SEC24D: variants seen among roughly 807,000 people sequenced by gnomAD.
The protein encoded by SEC24D is protein transport protein Sec24D.
SEC24D carries 69 observed loss-of-function variants against 116.9 expected under a neutral mutation model. The observed-to-expected ratio is 0.59, with a 90% CI of 0.49 to 0.72. The LOEUF (loss-of-function observed/expected upper bound fraction) is 0.72, where lower values mean the gene tolerates loss of function less well. Ranked by LOEUF, SEC24D falls within the 30% of genes least tolerant of loss-of-function variation. SEC24D has a pLI of 0.00. For synonymous variants in SEC24D, 405 were observed against 442.8 expected, an observed-to-expected ratio of 0.91 and a Z score of 1.07; for missense variants, 1,131 against 1,264.1, an observed-to-expected ratio of 0.89 and a Z score of 1.60.
intron 8 of SEC24D, among the ~76,000 whole-genome samples, chr4:118,774,601 TGC>T (rs2110479467): frequency 6.6e-6 from 1 of 152,252 alleles, no homozygotes; most frequent in South Asian, 2.1e-4. Flanking sequence ...ATACTATATG[TGC>T]AAGAAACAGC....
In SEC24D at chr4:118,824,761, G is replaced by A. The variant is rs548494698; in HGVS notation, c.119-12C>T. ...TGGCTTCATCATACCTGCAAGAGAG[G>A]GGCATGAATTTAGAAGTGTATTAAA... On this transcript the variant is annotated splice_polypyrimidine_tract_variant and intron_variant, in intron 2 of 22. Transcript: ENST00000280551. The A allele has an allele frequency of 7.0e-6, 11 of 1,569,952 alleles. No individual in the cohort carries two copies. In the South Asian group the frequency reaches 1.1e-4, roughly 15 times the overall value.
chr4:118,766,645 A>T (rs1185059038), intron 9 of SEC24D: 2 of 152,168 alleles, frequency 1.3e-5, no homozygotes, highest in Non-Finnish European at 2.9e-5. Flanking sequence ...GAGGCCAAAG[A>T]GTCACAGCAA....
chr4:118,786,242 T>C (rs1016548902), intron 8 of SEC24D, among the ~76,000 whole-genome samples: 54 of 152,198 alleles, frequency 3.5e-4, no homozygotes, highest in African/African-American at 1.3e-3. Context: ...GGGGGTCACT[T>C]TCAAACATTT....
chr4:118,823,212 T>C (rs1425919435), intron 3 of SEC24D, among the ~76,000 whole-genome samples: 1 of 152,188 alleles, frequency 6.6e-6, no homozygotes, highest in African/African-American at 2.4e-5. Context: ...ACCCTTTGAC[T>C]TCTTGCTCCA....
chr4:118,815,630 T>C lies in SEC24D; in HGVS notation c.494A>G (p.Gln165Arg). 1 of 1,614,112 alleles carries C rather than the reference T, an allele frequency of 6.2e-7. No homozygotes were observed. The highest frequency in any genetic ancestry group is 8.5e-7 in the Non-Finnish European group (1 of 1,180,016). ...TGGTGGAAGAACTTGAGATCCAGGC[T>C]GCAAAATGGAAGGCTGTGGAGGTCG... ...PPRPPQPSIL[Q>R]PGSQVLPPPP... is the part of the protein sequence containing the mutation. Residue 165 changes from glutamine to arginine, a missense_variant, in exon 5 of 23, where the codon CAG becomes CGG. Physicochemically the swap from Gln to Arg is conservative, Grantham distance 43 (BLOSUM62 1). Coordinates refer to ENST00000280551, the MANE Select transcript of SEC24D (RefSeq NM_014822.4).
intron 6 of SEC24D, among the ~76,000 whole-genome samples, chr4:118,814,137 T>C (rs1279484820): frequency 6.6e-6 from 1 of 152,252 alleles, no homozygotes; most frequent in Non-Finnish European, 1.5e-5. Context: ...TTCGTTATTA[T>C]TCCAAAAGGA....
chr4:118,730,191 T>C (rs943769089), intron 21 of SEC24D: 1 of 152,234 alleles, frequency 6.6e-6, no homozygotes, highest in African/African-American at 2.4e-5. Context: ...TTCCTTAACT[T>C]TTATATAAAC....
chr4:118,759,816 T>C (rs748045790), intron 10 of SEC24D, among the ~76,000 whole-genome samples: 9 of 152,178 alleles, frequency 5.9e-5, no homozygotes, highest in Admixed American at 5.9e-4. Flanking sequence ...CACCTCTATA[T>C]AGGCAACTCT....
intron 8 of SEC24D, among the ~76,000 whole-genome samples, chr4:118,789,978 G>A (rs1433821385): frequency 6.6e-6 from 1 of 152,198 alleles, no homozygotes; most frequent in African/African-American, 2.4e-5. Context: ...ATATAACAAT[G>A]AAGCTATCCC....
intron 6 of SEC24D, among the ~76,000 whole-genome samples, chr4:118,810,074 C>CTGTGTGTGTGTGTGTGTGTGTGTGTGTG (rs71595321): frequency 2.6e-5 from 1 of 38,594 alleles, no homozygotes; most frequent in Non-Finnish European, 4.9e-5. Flanking sequence ...TCAGAGGTAG[C>CTGTGTGTGTGTGTGTGTGTGTGTGTGTG]TGTGTGTGTG....
At chr4:118,782,470 G>A (rs1728459480) in intron 8 of SEC24D, among the ~76,000 whole-genome samples, 1 of 152,294 alleles carries the variant, frequency 6.6e-6, no homozygotes, top group Non-Finnish European at 1.5e-5. Flanking sequence ...TCCTTCCTCT[G>A]GAAGCTTCGT....
At position 118,733,024 on chromosome 4, in the gene SEC24D, G is replaced by A. The variant is rs1383813371; in HGVS notation, c.2497-112C>T. On this transcript the variant is annotated intron_variant, in intron 19 of 22. Coordinates refer to ENST00000280551, the MANE Select transcript of SEC24D (RefSeq NM_014822.4). ...TGCTTCTGAACTTGTAAGGATGTAA[G>A]GATTAACTGGTAACCCATGTAAAAC... 4 of 919,336 alleles carry A rather than the reference G, an allele frequency of 4.4e-6. No individual in the cohort carries two copies. In the African/African-American group the frequency reaches 5.0e-5, roughly 11 times the overall value. The allele number at this position is 919,336 out of a possible 1,614,324, so 56.9% of individuals were successfully genotyped here.
At chr4:118,777,059 T>TA (rs1560679145) in intron 8 of SEC24D, among the ~76,000 whole-genome samples, 1 of 152,050 alleles carries the variant, frequency 6.6e-6, no homozygotes, top group Non-Finnish European at 1.5e-5. Context: ...TATAAGGCCA[T>TA]AAAAAGAGAT....
In SEC24D at chr4:118,797,809, T is replaced by G. The variant is rs1323902024; in HGVS notation, c.915A>C (p.Gly305=). Residue 305 remains glycine (G), a splice_region_variant and synonymous_variant, in exon 8 of 23, where the codon GGA becomes GGC. Coordinates refer to ENST00000280551, the MANE Select transcript of SEC24D (RefSeq NM_014822.4). ...VTTDCMIQDQ[G]NASPRFIRCT... is the part of the protein sequence containing the mutation. Reference sequence around the variant, plus strand: ...AACGGATGAATCGAGGACTGGCATTTCCTGAAACATTCAAAAGGATACACT... The same window carrying G: ...AACGGATGAATCGAGGACTGGCATTGCCTGAAACATTCAAAAGGATACACT... 8.2e-6 allele frequency: 13 copies of G among 1,592,076 alleles called. No homozygotes were observed. The African/African-American group carries it at 1.7e-4, about 21-fold the overall frequency.
chr4:118,801,343 G>A (rs1000945432), intron 7 of SEC24D, among the ~76,000 whole-genome samples: 2 of 151,862 alleles, frequency 1.3e-5, no homozygotes, highest in Non-Finnish European at 2.9e-5. Flanking sequence ...TCTGCCCAAA[G>A]TTAGATAGCT....
At chr4:118,829,671 G>A (rs1395559842) in intron 2 of SEC24D, among the ~76,000 whole-genome samples, 1 of 152,134 alleles carries the variant, frequency 6.6e-6, no homozygotes, top group Non-Finnish European at 1.5e-5. Flanking sequence ...AATTAGCCGG[G>A]TGTGGTGGCG....
At chr4:118,763,410 C>T (rs995074485) in intron 10 of SEC24D, among the ~76,000 whole-genome samples, 1 of 152,152 alleles carries the variant, frequency 6.6e-6, no homozygotes, top group African/African-American at 2.4e-5. Flanking sequence ...TTATCATCTA[C>T]ACTCAATACA....
intron 15 of SEC24D, among the ~76,000 whole-genome samples, chr4:118,742,722 G>A (rs1381011692): frequency 6.6e-6 from 1 of 152,152 alleles, no homozygotes; most frequent in Non-Finnish European, 1.5e-5. Context: ...TGTCATTTAT[G>A]TTGGAGAATA....
At chr4:118,809,287 A>G (rs1363159351) in intron 6 of SEC24D, among the ~76,000 whole-genome samples, 1 of 152,120 alleles carries the variant, frequency 6.6e-6, no homozygotes, top group Non-Finnish European at 1.5e-5. Context: ...AAAGCACCCA[A>G]CTTCTGAATA....
Sources: gnomAD v4.1 joint callset for allele counts (sites outside exome capture counted in the v4.1 genomes callset) on GRCh38, gnomAD v4.1.1 for gene constraint, MANE v1.5 for transcripts, NCBI Gene and HGNC (gene_info 2026-07-23, HGNC 2026-07-21) for gene names.